CPT1A: variants seen among roughly 807,000 people sequenced by gnomAD.
The protein encoded by CPT1A is carnitine palmitoyltransferase 1A.
A neutral mutation model predicts 100.8 loss-of-function variants in CPT1A; 64 were observed. The ratio of observed to expected loss-of-function variants is 0.63; its 90% CI spans 0.52 to 0.78. The LOEUF (loss-of-function observed/expected upper bound fraction) is 0.78. Among genes scored for constraint, CPT1A ranks in the 30% least tolerant of loss-of-function variants. The probability of loss-of-function intolerance (pLI) is 0.00; values close to 1 mark genes in which losing one functional copy is unlikely to be tolerated. For synonymous variants in CPT1A, 363 were observed against 396.0 expected (o/e 0.92, Z 0.99); for missense variants, 802 against 1,034.1 (o/e 0.78, Z 3.08).
rs188622814 is a variant in CPT1A at position 68,769,884 on chromosome 11, A to C, written c.1740+3381T>G. On this transcript the variant is annotated intron_variant, in intron 14 of 18. Transcript: ENST00000265641. Reference sequence around the variant, plus strand: ...GCCAACGTGGTGAAACTCCGTCTCTACTAAAGATACAAAAATTAGCCAGGT... The same window carrying C: ...GCCAACGTGGTGAAACTCCGTCTCTCCTAAAGATACAAAAATTAGCCAGGT... Among the ~76,000 whole-genome samples, 35 of 152,182 alleles carry C rather than the reference A, an allele frequency of 2.3e-4. 1 individual carries two copies. Among genetic ancestry groups the C allele is most frequent in the Admixed American group, 5.2e-4 (8 of 15,288 alleles).
At chr11:68,762,851 G>A (rs1854670669) in intron 14 of CPT1A, 90 bp from the exon 15 acceptor site, 4 of 1,515,192 alleles carry the variant, frequency 2.6e-6, no homozygotes, top group East Asian at 4.5e-5. Flanking sequence ...GCAAGGAGAC[G>A]TGGACTTCAT....
chr11:68,770,008 C>T (rs1411445884), intron 14 of CPT1A, among the ~76,000 whole-genome samples: 18 of 150,832 alleles, frequency 1.2e-4, no homozygotes, highest in African/African-American at 7.3e-5. Flanking sequence ...TGCAGTGAGC[C>T]GAGATCGTGC....
At chr11:68,768,354 C>T (rs528325021) in intron 14 of CPT1A, among the ~76,000 whole-genome samples, 1 of 152,004 alleles carries the variant, frequency 6.6e-6, no homozygotes, top group East Asian at 1.9e-4. Context: ...GGATTACAGG[C>T]ATGACCCACT....
intron 10 of CPT1A, among the ~76,000 whole-genome samples, 195 bp from the exon 11 acceptor site, chr11:68,782,154 G>A (rs1241497256): frequency 1.3e-5 from 2 of 152,182 alleles, no homozygotes; most frequent in East Asian, 1.9e-4. Flanking sequence ...CCACAGCATG[G>A]GGAGCGGTGG....
intron 1 of CPT1A, among the ~76,000 whole-genome samples, chr11:68,825,864 A>T (rs928973740): frequency 1.3e-5 from 2 of 152,116 alleles, no homozygotes; most frequent in African/African-American, 2.4e-5. Flanking sequence ...CCTCTGAGTC[A>T]CCGGAAACAA....
At chr11:68,793,443 A>G (rs777626310) in intron 8 of CPT1A, 41 bp from the exon 9 acceptor site, 3 of 1,521,524 alleles carry the variant, frequency 2.0e-6, no homozygotes, top group East Asian at 4.7e-5. Flanking sequence ...CGAAAATCCC[A>G]CAGAAGAAAA....
intron 1 of CPT1A, among the ~76,000 whole-genome samples, chr11:68,835,643 C>G (rs191906660): frequency 1.3e-5 from 2 of 152,216 alleles, no homozygotes; most frequent in African/African-American, 2.4e-5. Flanking sequence ...CACCACCTTA[C>G]AGATGAGGAA....
chr11:68,787,669 C>T (rs557230773), intron 9 of CPT1A, among the ~76,000 whole-genome samples: 4 of 151,910 alleles, frequency 2.6e-5, no homozygotes, highest in Admixed American at 6.6e-5. Flanking sequence ...GGGTTGGGTG[C>T]GGTGGCTCAC....
chr11:68,762,438 A>C (rs904662992), intron 15 of CPT1A, among the ~76,000 whole-genome samples, 189 bp downstream of exon 15: 1 of 152,154 alleles, frequency 6.6e-6, no homozygotes, highest in East Asian at 1.9e-4. Flanking sequence ...CCTTGTCCCT[A>C]CCTTTACCTT....
At chr11:68,774,089 C>A (rs1004240891) in intron 13 of CPT1A, among the ~76,000 whole-genome samples, 3 of 152,216 alleles carry the variant, frequency 2.0e-5, no homozygotes, top group Admixed American at 6.5e-5. Context: ...TGTATAAAAC[C>A]TCAAGTCAAG....
At chr11:68,817,142 GGTGT>G (rs1273424976) in intron 1 of CPT1A, among the ~76,000 whole-genome samples, 1 of 127,618 alleles carries the variant, frequency 7.8e-6, no homozygotes, top group African/African-American at 3.8e-5. Context: ...GTTGTGTGGG[GGTGT>G]GTGTGTCTGT....
At position 68,762,648 on chromosome 11, in the gene CPT1A, G is replaced by T. The variant is rs1380885875; in HGVS notation, c.1854C>A (p.Ala618=). Residue 618 remains alanine (A), a synonymous_variant, in exon 15 of 19, where the codon GCC becomes GCA. Coordinates refer to ENST00000265641, the MANE Select transcript of CPT1A (RefSeq NM_001876.4). The stretch of plus-strand genomic sequence containing the variant: ...TTACCGTCTGGGCCGGGTCCACCAT[G>T]GCCCGCACGAAGTCGCATGACTCAG... ...CTTESCDFVR[A]MVDPAQTVEQ... The T allele has an allele frequency of 1.2e-6, 2 of 1,613,716 alleles. No individual in the cohort carries two copies. Among genetic ancestry groups the T allele is most frequent in the Non-Finnish European group, 1.7e-6 (2 of 1,180,046 alleles).
At chr11:68,760,627 G>C (rs1946788257) in intron 16 of CPT1A, among the ~76,000 whole-genome samples, 1 of 152,188 alleles carries the variant, frequency 6.6e-6, no homozygotes, top group Non-Finnish European at 1.5e-5. Flanking sequence ...TTCGGAACGG[G>C]GACAGAGGTG....
At chr11:68,800,673 G>C (rs1305050508) in intron 5 of CPT1A, among the ~76,000 whole-genome samples, 1 of 151,472 alleles carries the variant, frequency 6.6e-6, no homozygotes, top group Non-Finnish European at 1.5e-5. Context: ...GCAACAAAAA[G>C]TAAAACTGTT....
intron 1 of CPT1A, among the ~76,000 whole-genome samples, chr11:68,819,199 C>T (rs1489827563): frequency 6.6e-6 from 1 of 152,188 alleles, no homozygotes; most frequent in East Asian, 1.9e-4. Context: ...ATGCTTCAGC[C>T]TCCCGAGTAG....
In CPT1A at chr11:68,763,305, C is replaced by A. The variant is rs567144820; in HGVS notation, c.1741-544G>T. Among the ~76,000 whole-genome samples, 299 of 151,150 alleles carry A rather than the reference C, an allele frequency of 2.0e-3. 1 individual carries two copies. Among genetic ancestry groups the A allele is most frequent in the Non-Finnish European group, 3.7e-3 (248 of 67,794 alleles). On this transcript the variant is annotated intron_variant, in intron 14 of 18. Coordinates refer to ENST00000265641, the MANE Select transcript of CPT1A (RefSeq NM_001876.4). ...TTTCAAGATGCAACTGATACTATGA[C>A]ACCCCCCCCACCCCCGAGTCCAACA...
chr11:68,794,271 C>A (rs1214067725), intron 8 of CPT1A, among the ~76,000 whole-genome samples: 2 of 152,036 alleles, frequency 1.3e-5, no homozygotes, highest in African/African-American at 4.8e-5. Flanking sequence ...GGGTCCAGGA[C>A]CAGGTGGGAG....
intron 5 of CPT1A, among the ~76,000 whole-genome samples, chr11:68,801,644 G>A (rs1441115379): frequency 6.7e-6 from 1 of 150,318 alleles, no homozygotes; most frequent in African/African-American, 2.4e-5. Flanking sequence ...AAAAAAAAAA[G>A]AGCAGAGATG....
rs190289425 is a variant in CPT1A at position 68,814,896 on chromosome 11, A to G, written c.141+438T>C. Among the ~76,000 whole-genome samples, 244 of 151,912 alleles carry G rather than the reference A, an allele frequency of 1.6e-3. 2 individuals carry two copies. Among genetic ancestry groups the G allele is most frequent in the African/African-American group, 5.5e-3 (229 of 41,398 alleles). ...GAGATGGGGTTTTGTCGTGTCACCCAGGCTGGTCTTAAACTCCTGAGCTCA... is the reference window on the plus strand; with the variant it reads ...GAGATGGGGTTTTGTCGTGTCACCCGGGCTGGTCTTAAACTCCTGAGCTCA... On this transcript the variant is annotated intron_variant, in intron 2 of 18. Coordinates refer to ENST00000265641, the MANE Select transcript of CPT1A (RefSeq NM_001876.4).
Sources: gnomAD v4.1 joint callset for allele counts (sites outside exome capture counted in the v4.1 genomes callset) on GRCh38, gnomAD v4.1.1 for gene constraint, MANE v1.5 for transcripts, NCBI Gene and HGNC (gene_info 2026-07-23, HGNC 2026-07-21) for gene names.